PCDHGB2: variants seen among roughly 807,000 people sequenced by gnomAD.
PCDHGB2 encodes the protein protocadherin gamma subfamily B, 2.
A neutral mutation model predicts 59.3 loss-of-function variants in PCDHGB2; 55 were observed. The observed-to-expected ratio is 0.93, with a 90% CI of 0.75 to 1.16. The LOEUF is 1.16. Among genes scored for constraint, PCDHGB2 ranks in the 50% most tolerant of loss-of-function variants. The probability of loss-of-function intolerance (pLI) is 0.00; values close to 1 mark genes in which losing one functional copy is unlikely to be tolerated. For synonymous variants in PCDHGB2, 516 were observed against 512.0 expected (o/e 1.01, Z -0.11); for missense variants, 1,228 against 1,198.5 (o/e 1.02, Z -0.36).
In PCDHGB2 at chr5:141,376,166, G is replaced by A. The variant is rs753856036; in HGVS notation, c.2421+13610G>A. Reference sequence around the variant, plus strand: ...TTCGGACCTCACTCTGTACCTGGTGGTGGCGGTGGCCGCGGTCTCCTGCGT... The same window carrying A: ...TTCGGACCTCACTCTGTACCTGGTGATGGCGGTGGCCGCGGTCTCCTGCGT... On this transcript the variant is annotated intron_variant, in intron 1 of 3. Transcript: ENST00000522605. The A allele has an allele frequency of 3.3e-5, 53 of 1,614,094 alleles. 1 individual carries two copies. The South Asian group carries it at 5.3e-4, about 16-fold the overall frequency.
chr5:141,364,575 G>T (rs372313739), intron 1 of PCDHGB2: 9 of 1,614,070 alleles, frequency 5.6e-6, no homozygotes, highest in East Asian at 2.2e-5. Flanking sequence ...CCGCGAAGCG[G>T]CAGCTTGGTC....
At position 141,404,477 on chromosome 5, in the gene PCDHGB2, T is replaced by C. The variant is rs750187565; in HGVS notation, c.2421+41921T>C. On this transcript the variant is annotated intron_variant, in intron 1 of 3. Coordinates refer to ENST00000522605, the MANE Select transcript of PCDHGB2 (RefSeq NM_018923.3). ...TCTCTCCACCTATGTCTCTATTAAC[T>C]CAGACACTGGTGTGCTGTATGCTCT... is the stretch of plus-strand genomic sequence containing the variant. The C allele has an allele frequency of 3.1e-6, 5 of 1,613,408 alleles. No individual in the cohort carries two copies. In the South Asian group the frequency reaches 4.4e-5, roughly 14 times the overall value.
chr5:141,508,829 C>G (rs370074494), intron 3 of PCDHGB2, among the ~76,000 whole-genome samples: 10 of 152,240 alleles, frequency 6.6e-5, no homozygotes, highest in Middle Eastern at 3.4e-3. Context: ...TCTGGGCCCC[C>G]CTCCCCTACC....
intron 1 of PCDHGB2, chr5:141,415,170 C>T (rs781724309): frequency 3.7e-6 from 6 of 1,613,878 alleles, no homozygotes; most frequent in South Asian, 2.2e-5. Flanking sequence ...TCACGCTCAC[C>T]GTGGCCGTGG....
At chr5:141,421,941 T>C (rs186605459) in intron 1 of PCDHGB2, 2 of 1,613,456 alleles carry the variant, frequency 1.2e-6, no homozygotes, top group East Asian at 4.5e-5. Context: ...ATGTAAATGA[T>C]CACATCCCAA....
intron 1 of PCDHGB2, chr5:141,414,180 A>T: frequency 6.2e-7 from 1 of 1,608,986 alleles, no homozygotes; most frequent in Non-Finnish European, 8.5e-7. Context: ...TTGCAACTGC[A>T]AAAGTGTTGA....
intron 1 of PCDHGB2, chr5:141,492,070 GCCGGCT>G (rs1329848558): frequency 2.1e-6 from 1 of 477,826 alleles, no homozygotes; most frequent in Non-Finnish European, 3.7e-6. Context: ...CCTCCTAGGC[GCCGGCT>G]CCGGCACGCT....
At chr5:141,367,902 T>C (rs1249968582) in intron 1 of PCDHGB2, 1 of 152,146 alleles carries the variant, frequency 6.6e-6, no homozygotes, top group Non-Finnish European at 1.5e-5. Context: ...TTTAAGGTTG[T>C]ATTTGAAAAA....
At position 141,423,758 on chromosome 5, in the gene PCDHGB2, G is replaced by GC. The variant is rs1554116873; in HGVS notation, c.2421+61202_2421+61203insC. 1.7e-4 allele frequency: 62 copies of GC among 366,836 alleles called. 2 individuals are homozygous for GC. The highest frequency in any genetic ancestry group is 4.2e-4 in the Middle Eastern group (1 of 2,358). The allele number at this position is 366,836 out of a possible 1,614,324, so 22.7% of individuals were successfully genotyped here. Reference sequence around the variant, plus strand: ...CTGTTATGAAAACTGTTTGGGGGGGGGGTGGGGCGGCATATATTTAGTTCA... The same window carrying GC: ...CTGTTATGAAAACTGTTTGGGGGGGGCGGTGGGGCGGCATATATTTAGTTCA... On this transcript the variant is annotated intron_variant, in intron 1 of 3. Coordinates refer to ENST00000522605, the MANE Select transcript of PCDHGB2 (RefSeq NM_018923.3).
In PCDHGB2 at chr5:141,360,870, C is replaced by G; in HGVS notation, c.735C>G (p.Asp245Glu). Reference protein sequence around the residue: ...ANDNPPVFSQDVYRVTLREDV... With the variant: ...ANDNPPVFSQEVYRVTLREDV... ...ATAACCCTCCAGTGTTCAGCCAGGA[C>G]GTGTACAGGGTCACCCTGAGGGAGG... Residue 245 changes from aspartate (D) to glutamate (E), a missense_variant, in exon 1 of 4, where the codon GAC (aspartate) becomes GAG (glutamate). By Grantham distance (45) the Asp-to-Glu change is conservative. This residue lies in a region of PCDHGB2 where 781 missense variants were observed against 721.6 expected (regional missense o/e 1.08). Transcript: ENST00000522605. The G allele has an allele frequency of 1.2e-6, 2 of 1,613,990 alleles. No individual in the cohort carries two copies. Among genetic ancestry groups the G allele is most frequent in the Admixed American group, 1.7e-5 (1 of 60,016 alleles).
chr5:141,464,843 A>G lies in PCDHGB2; in HGVS notation c.2422-29964A>G, dbSNP rs183890796. On this transcript the variant is annotated intron_variant, in intron 1 of 3. Coordinates refer to ENST00000522605, the MANE Select transcript of PCDHGB2 (RefSeq NM_018923.3). Reference sequence around the variant, plus strand: ...AGCCTCGCACTCCTGGGCTCAAGCAATCCTCCTACCTTAGCCTCCCAAGTA... The same window carrying G: ...AGCCTCGCACTCCTGGGCTCAAGCAGTCCTCCTACCTTAGCCTCCCAAGTA... 1.5e-3 allele frequency among the ~76,000 whole-genome samples: 231 copies of G among 152,234 alleles called. 1 individual carries two copies. Among genetic ancestry groups the G allele is most frequent in the Non-Finnish European group, 2.3e-3 (159 of 68,018 alleles).
Position 141,485,267 on chromosome 5 carries a change from C to T in PCDHGB2, c.2422-9540C>T, listed in dbSNP as rs767229426. On this transcript the variant is annotated intron_variant, in intron 1 of 3. Transcript: ENST00000522605. This position sits in a 1 kb window ranked among gnomAD's most constrained non-coding sequence, Gnocchi z 5.7. ...CCTGGGTTACGTTTGTGGGCAGATC[C>T]GCTACCCGGTCCCAGAGGAGTCACA... is the stretch of plus-strand genomic sequence containing the variant. 6.2e-7 allele frequency: 1 copy of T among 1,614,088 alleles called. No homozygotes were observed. Among genetic ancestry groups the T allele is most frequent in the South Asian group, 1.1e-5 (1 of 91,082 alleles).
intron 1 of PCDHGB2, among the ~76,000 whole-genome samples, chr5:141,469,492 T>C (rs1233507221): frequency 6.6e-6 from 1 of 152,038 alleles, no homozygotes; most frequent in Non-Finnish European, 1.5e-5. Flanking sequence ...GGAGAATCGC[T>C]TGAACCCGGG....
chr5:141,372,682 C>G, intron 1 of PCDHGB2: 1 of 1,614,010 alleles, frequency 6.2e-7, no homozygotes, highest in Non-Finnish European at 8.5e-7. Context: ...TCCTCAAACA[C>G]CGAGTTTAAA....
At chr5:141,462,813 TTGG>T (rs1474162732) in intron 1 of PCDHGB2, among the ~76,000 whole-genome samples, 1 of 152,198 alleles carries the variant, frequency 6.6e-6, no homozygotes, top group African/African-American at 2.4e-5. Flanking sequence ...AATGTTTTTA[TTGG>T]ACAGCAGACA....
intron 1 of PCDHGB2, chr5:141,370,661 T>C (rs2149968382): frequency 6.2e-7 from 1 of 1,613,892 alleles, no homozygotes; most frequent in African/African-American, 1.3e-5. Flanking sequence ...TGAGCGACCG[T>C]ATAGACCGAG....
At position 141,361,809 on chromosome 5, in the gene PCDHGB2, T is replaced by C. The variant is rs755899945; in HGVS notation, c.1674T>C (p.Asn558=). The change falls in exon 1 of 4, where the codon AAT becomes AAC. Residue 558 remains asparagine, a synonymous_variant. Coordinates refer to ENST00000522605, the MANE Select transcript of PCDHGB2 (RefSeq NM_018923.3). ...LRVLVGDLND[N]APRVLYPALG... ...TGTTAGTGGGCGACCTCAATGACAATGCGCCACGGGTGCTGTACCCCGCGC... is the reference window on the plus strand; with the variant it reads ...TGTTAGTGGGCGACCTCAATGACAACGCGCCACGGGTGCTGTACCCCGCGC... 6.2e-7 allele frequency: 1 copy of C among 1,612,970 alleles called. No homozygotes were observed. The highest frequency in any genetic ancestry group is 1.3e-5 in the African/African-American group (1 of 74,906).
intron 1 of PCDHGB2, chr5:141,404,552 G>A: frequency 6.2e-7 from 1 of 1,613,826 alleles, no homozygotes; most frequent in Non-Finnish European, 8.5e-7. Context: ...GCAGGTGACG[G>A]CAAGTGACAG....
intron 1 of PCDHGB2, among the ~76,000 whole-genome samples, chr5:141,456,621 G>T (rs6885794): frequency 0.55 from 83,339 of 152,038 alleles, 25,195 homozygotes; most frequent in African/African-American, 0.82. Context: ...CTGTAGATTT[G>T]CCTCTTCTTT....
Sources: gnomAD v4.1 joint callset for allele counts (sites outside exome capture counted in the v4.1 genomes callset) on GRCh38, gnomAD v4.1.1 for gene constraint, gnomAD v4.1.1 regional missense constraint, Gnocchi (gnomAD v3.1) non-coding constraint, MANE v1.5 for transcripts, NCBI Gene and HGNC (gene_info 2026-07-23, HGNC 2026-07-21) for gene names.